The following TMEM117 variants were observed in gnomAD, a reference collection of about 807,000 sequenced individuals.
TMEM117 encodes the protein transmembrane protein 117.
Under a neutral mutation model 52.4 loss-of-function variants are expected in TMEM117, and 27 were observed. That is an observed-to-expected ratio of 0.51 (90% confidence interval 0.38 to 0.71). The LOEUF (loss-of-function observed/expected upper bound fraction) is 0.71, where lower values mean the gene tolerates loss of function less well. Ranked by LOEUF, TMEM117 falls within the 30% of genes least tolerant of loss-of-function variation. The probability of loss-of-function intolerance (pLI) is 0.00; values close to 1 mark genes in which losing one functional copy is unlikely to be tolerated. For missense variants in TMEM117, 556 were observed against 630.5 expected (o/e 0.88, Z 1.26); for synonymous variants, 215 against 206.3 (o/e 1.04, Z -0.36).
intron 6 of TMEM117, among the ~76,000 whole-genome samples, chr12:44,356,479 C>T (rs1951650555): frequency 6.6e-6 from 1 of 152,046 alleles, no homozygotes; most frequent in African/African-American, 2.4e-5. Flanking sequence ...TTTTGTTCTG[C>T]TTATTTTGTC....
intron 3 of TMEM117, among the ~76,000 whole-genome samples, chr12:44,046,800 G>A (rs1946887463): frequency 6.6e-6 from 1 of 152,078 alleles, no homozygotes; most frequent in South Asian, 2.1e-4. Flanking sequence ...TTTATCATAT[G>A]ACATAAGATT....
At chr12:44,002,688 C>G (rs1946134419) in intron 3 of TMEM117, among the ~76,000 whole-genome samples, 1 of 152,194 alleles carries the variant, frequency 6.6e-6, no homozygotes, top group Admixed American at 6.5e-5. Flanking sequence ...CTGACCTCTC[C>G]CCTCATATCT....
intron 5 of TMEM117, among the ~76,000 whole-genome samples, chr12:44,233,868 A>G (rs191100779): frequency 6.6e-6 from 1 of 151,518 alleles, no homozygotes; most frequent in Admixed American, 6.6e-5. Flanking sequence ...TATGCTTTCA[A>G]GTTTTTGTGA....
chr12:44,071,539 A>G (rs1167626937), intron 3 of TMEM117, among the ~76,000 whole-genome samples: 3 of 152,196 alleles, frequency 2.0e-5, no homozygotes, highest in Non-Finnish European at 4.4e-5. Context: ...TACAATGTCT[A>G]TTTTACAGAT....
intron 3 of TMEM117, chr12:44,009,885 T>G (rs964668945): frequency 3.7e-6 from 1 of 267,952 alleles, no homozygotes; most frequent in African/African-American, 2.3e-5. Flanking sequence ...TTCCAAGATC[T>G]ACTCTTTTGG....
intron 3 of TMEM117, among the ~76,000 whole-genome samples, chr12:44,084,986 G>C (rs892025993): frequency 6.6e-6 from 1 of 152,098 alleles, no homozygotes; most frequent in Non-Finnish European, 1.5e-5. Context: ...ATTCAGCTAG[G>C]GTTGCTGTGA....
chr12:44,003,255 GAAGAAACTTT>G (rs1314445288), intron 3 of TMEM117, among the ~76,000 whole-genome samples: 5 of 152,204 alleles, frequency 3.3e-5, no homozygotes, highest in African/African-American at 7.2e-5. Flanking sequence ...GAAAAACCTA[GAAGAAACTTT>G]AAAAGGCCCA....
chr12:44,084,294 T>C (rs1947530955), intron 3 of TMEM117, among the ~76,000 whole-genome samples: 1 of 152,154 alleles, frequency 6.6e-6, no homozygotes, highest in African/African-American at 2.4e-5. Flanking sequence ...TGAAAAGTCT[T>C]CCAATATCCA....
chr12:44,259,418 CAAAGTTTGTCAGTCTT>C (rs1421975254), intron 5 of TMEM117, among the ~76,000 whole-genome samples: 11 of 152,104 alleles, frequency 7.2e-5, no homozygotes, highest in African/African-American at 2.4e-4. Flanking sequence ...GGATTCAAAG[CAAAGTTTGTCAGTCTT>C]TATGGTCTCA....
At chr12:44,091,357 T>C (rs1947668481) in intron 3 of TMEM117, among the ~76,000 whole-genome samples, 1 of 152,202 alleles carries the variant, frequency 6.6e-6, no homozygotes, top group Admixed American at 6.5e-5. Context: ...ATCAACTTTC[T>C]TGTTGGCAGA....
At chr12:43,887,803 T>G (rs1944024397) in intron 2 of TMEM117, among the ~76,000 whole-genome samples, 1 of 152,080 alleles carries the variant, frequency 6.6e-6, no homozygotes, top group Non-Finnish European at 1.5e-5. Flanking sequence ...AGAACAACAG[T>G]GATGAGAAGA....
intron 3 of TMEM117, among the ~76,000 whole-genome samples, chr12:44,106,148 C>T (rs1290613522): frequency 1.3e-5 from 2 of 152,052 alleles, no homozygotes; most frequent in Non-Finnish European, 2.9e-5. Context: ...TTGGGGGCAG[C>T]AGCTTGCACT....
At chr12:43,833,123 C>T (rs1233694759), upstream of TMEM117, among the ~76,000 whole-genome samples, 2 of 152,204 alleles carry the variant, frequency 1.3e-5, no homozygotes, top group East Asian at 1.9e-4. Flanking sequence ...TAGAGAACTA[C>T]ACTCTCTAAG....
At chr12:43,887,558 A>G (rs991664846) in intron 2 of TMEM117, among the ~76,000 whole-genome samples, 4 of 152,208 alleles carry the variant, frequency 2.6e-5, no homozygotes, top group Non-Finnish European at 4.4e-5. Flanking sequence ...GTTTGTGACC[A>G]TGCCCTTCAG....
rs181455798 is a variant in TMEM117, at chr12:44,215,612, A to G, written c.608+4225A>G. 1.1e-4 allele frequency among the ~76,000 whole-genome samples: 17 copies of G among 152,340 alleles called. No individual in the cohort carries two copies. In the East Asian group the frequency reaches 3.3e-3, roughly 29 times the overall value. On this transcript the variant is annotated intron_variant, in intron 5 of 7. Coordinates refer to ENST00000266534, the MANE Select transcript of TMEM117 (RefSeq NM_032256.3). ...AGAACAGCTACATAAAGAACAAGTAATATGATATTCATGTTAGCTTCTATC... is the reference window on the plus strand; with the variant it reads ...AGAACAGCTACATAAAGAACAAGTAGTATGATATTCATGTTAGCTTCTATC...
chr12:44,071,504 C>T (rs1248229863), intron 3 of TMEM117, among the ~76,000 whole-genome samples: 3 of 152,112 alleles, frequency 2.0e-5, no homozygotes, highest in Non-Finnish European at 4.4e-5. Context: ...TTTATAACAA[C>T]GTGTGAAAGA....
chr12:44,042,760 CTACACA>C (rs1946819894), intron 3 of TMEM117, among the ~76,000 whole-genome samples: 1 of 88,868 alleles, frequency 1.1e-5, no homozygotes, highest in African/African-American at 5.5e-5. Flanking sequence ...CCTTAATAAA[CTACACA>C]CACACACACA....
intron 5 of TMEM117, among the ~76,000 whole-genome samples, chr12:44,222,903 C>T (rs962800428): frequency 6.6e-6 from 1 of 152,104 alleles, no homozygotes; most frequent in Admixed American, 6.5e-5. Flanking sequence ...CAGAATGCTA[C>T]ATTCTCTAAA....
At chr12:44,191,812 A>T (rs1949358655) in intron 4 of TMEM117, among the ~76,000 whole-genome samples, 2 of 152,188 alleles carry the variant, frequency 1.3e-5, no homozygotes, top group South Asian at 4.1e-4. Flanking sequence ...TAAACTGAAT[A>T]TTGTTTTAAA....
Sources: allele counts gnomAD v4.1 joint callset (sites outside exome capture counted in the v4.1 genomes callset), GRCh38; gene constraint gnomAD v4.1.1; transcripts MANE v1.5; gene names NCBI Gene and HGNC (gene_info 2026-07-23, HGNC 2026-07-21).